The following MTDH variants were observed in gnomAD, a reference collection of about 807,000 sequenced individuals.
The protein encoded by MTDH is protein LYRIC.
Under a neutral mutation model 72.7 loss-of-function variants are expected in MTDH, and 34 were observed. The observed-to-expected ratio is 0.47, with a 90% CI of 0.36 to 0.62. MTDH has a LOEUF of 0.62. Ranked by LOEUF, MTDH falls within the 20% of genes least tolerant of loss-of-function variation. The pLI is 0.00. For synonymous variants in MTDH, 266 were observed against 268.9 expected, an observed-to-expected ratio of 0.99 and a Z score of 0.10; for missense variants, 677 against 699.4, an observed-to-expected ratio of 0.97 and a Z score of 0.36.
intron 1 of MTDH, among the ~76,000 whole-genome samples, chr8:97,658,012 A>G (rs1203740974): frequency 2.6e-5 from 4 of 152,196 alleles, no homozygotes; most frequent in African/African-American, 4.8e-5. Context: ...GAAAGGACAC[A>G]TTGGCTCTGC....
chr8:97,706,434 T>C (rs745538424), intron 7 of MTDH, 192 bp from the exon 8 acceptor site: 12 of 367,080 alleles, frequency 3.3e-5, no homozygotes, highest in Non-Finnish European at 5.7e-5. Flanking sequence ...TTTAACCATA[T>C]GATATGCTTA....
chr8:97,694,471 A>G (rs2131018302), intron 6 of MTDH, among the ~76,000 whole-genome samples: 1 of 152,310 alleles, frequency 6.6e-6, no homozygotes. Context: ...TACTGGGATT[A>G]CACGTGTGAG....
At chr8:97,723,261 G>A (rs1489060953) in intron 11 of MTDH, among the ~76,000 whole-genome samples, 2 of 151,374 alleles carry the variant, frequency 1.3e-5, no homozygotes, top group Non-Finnish European at 2.9e-5. Flanking sequence ...AGCCAGGTGT[G>A]GCGGCGGGTG....
chr8:97,695,619 G>A (rs1813805309), intron 6 of MTDH, among the ~76,000 whole-genome samples: 2 of 152,156 alleles, frequency 1.3e-5, no homozygotes, highest in Non-Finnish European at 2.9e-5. Context: ...CTCGTCTCAT[G>A]GAGGTTTACG....
intron 2 of MTDH, among the ~76,000 whole-genome samples, chr8:97,672,605 C>T (rs1235120755): frequency 1.3e-5 from 2 of 152,142 alleles, no homozygotes; most frequent in African/African-American, 4.8e-5. Context: ...GAGACCAGAA[C>T]CAGGATTTCT....
chr8:97,696,541 A>G (rs1332434539), intron 6 of MTDH, among the ~76,000 whole-genome samples: 1 of 152,192 alleles, frequency 6.6e-6, no homozygotes, highest in Admixed American at 6.5e-5. Context: ...GCACACAGAC[A>G]AATACACATG....
chr8:97,664,798 G>A (rs971571558), intron 2 of MTDH, among the ~76,000 whole-genome samples: 4 of 131,118 alleles, frequency 3.1e-5, no homozygotes, highest in Non-Finnish European at 6.5e-5. Context: ...TTTCACTCTT[G>A]TTGCCCGGGC....
At chr8:97,670,952 GTTTTT>G (rs1160758851) in intron 2 of MTDH, among the ~76,000 whole-genome samples, 1 of 77,976 alleles carries the variant, frequency 1.3e-5, no homozygotes, top group African/African-American at 5.0e-5. Flanking sequence ...TGTTGTTGTT[GTTTTT>G]TTTTTTTTTT....
Position 97,719,060 on chromosome 8 carries a change from A to G in MTDH, c.1392A>G (p.Glu464=). The G allele has an allele frequency of 6.2e-7, 1 of 1,603,468 alleles. No individual in the cohort carries two copies. The highest frequency in any genetic ancestry group is 8.5e-7 in the Non-Finnish European group (1 of 1,175,698). ...EDNSTAQDTE[E]LEKEIREDLP... is the part of the protein sequence containing the mutation. ...ATTTTTCTCTATAGGACACAGAAGAATTAGAAAAAGAGATTAGAGAAGACC... is the reference window on the plus strand; with the variant it reads ...ATTTTTCTCTATAGGACACAGAAGAGTTAGAAAAAGAGATTAGAGAAGACC... Residue 464 remains glutamate (E), a synonymous_variant, in exon 10 of 12, where the codon GAA becomes GAG. Coordinates refer to ENST00000336273, the MANE Select transcript of MTDH (RefSeq NM_178812.4).
At chr8:97,670,826 G>A (rs1174287053) in intron 2 of MTDH, among the ~76,000 whole-genome samples, 2 of 151,980 alleles carry the variant, frequency 1.3e-5, no homozygotes, top group Non-Finnish European at 2.9e-5. Flanking sequence ...GTGCAATCTC[G>A]GGTCACTGCA....
rs758677712 is a variant in MTDH, at chr8:97,706,598, A to G, written c.1148-28A>G. ...TTTTAATTTATGGCAAAAATGATAG[A>G]CGCCTAATTCACACTGTTAAATTTT... On this transcript the variant is annotated intron_variant, in intron 7 of 11. Coordinates refer to ENST00000336273, the MANE Select transcript of MTDH (RefSeq NM_178812.4). The G allele has an allele frequency of 2.0e-5, 29 of 1,476,348 alleles. 1 individual carries two copies. The Admixed American group carries it at 6.9e-4, about 35-fold the overall frequency. 91.5% of individuals were successfully genotyped at this position (1,476,348 alleles called of 1,614,324 possible). A position where few individuals can be genotyped will look rare whatever the true frequency, so the allele number is the denominator to read the frequency against.
At chr8:97,714,889 G>C (rs1462626088) in intron 9 of MTDH, among the ~76,000 whole-genome samples, 1 of 151,174 alleles carries the variant, frequency 6.6e-6, no homozygotes, top group African/African-American at 2.4e-5. Context: ...GCAGTAGTGC[G>C]ATCTCAGCTC....
chr8:97,675,733 G>A (rs766380361), intron 2 of MTDH, among the ~76,000 whole-genome samples: 10 of 151,654 alleles, frequency 6.6e-5, no homozygotes, highest in Non-Finnish European at 1.2e-4. Context: ...TTAGCCTGGT[G>A]TGGTAGCGTA....
chr8:97,669,384 G>A (rs1011099418), intron 2 of MTDH, among the ~76,000 whole-genome samples: 1 of 151,742 alleles, frequency 6.6e-6, no homozygotes, highest in African/African-American at 2.4e-5. Context: ...CTGACCTCAA[G>A]CGATCCACCT....
At chr8:97,670,152 T>G (rs561246028) in intron 2 of MTDH, among the ~76,000 whole-genome samples, 1 of 151,624 alleles carries the variant, frequency 6.6e-6, no homozygotes, top group Admixed American at 6.6e-5. Flanking sequence ...TCGTCTCTAT[T>G]AAAAATACAA....
At chr8:97,688,297 T>TC (rs1813446906) in intron 4 of MTDH, among the ~76,000 whole-genome samples, 1 of 152,278 alleles carries the variant, frequency 6.6e-6, no homozygotes, top group South Asian at 2.1e-4. Flanking sequence ...CCTTCCCACC[T>TC]CCCCACACCT....
intron 5 of MTDH, among the ~76,000 whole-genome samples, chr8:97,690,159 T>G (rs1046791251): frequency 3.3e-5 from 5 of 152,076 alleles, no homozygotes; most frequent in Non-Finnish European, 5.9e-5. Flanking sequence ...GCCTGGCTAA[T>G]TTTGTGTTTT....
chr8:97,708,890 G>T (rs996288959), intron 8 of MTDH, among the ~76,000 whole-genome samples: 2 of 151,694 alleles, frequency 1.3e-5, no homozygotes, highest in African/African-American at 2.4e-5. Context: ...GTGAGCCACT[G>T]CCCCCAGCCA....
chr8:97,649,018 T>A (rs1811666857), intron 1 of MTDH, among the ~76,000 whole-genome samples: 1 of 152,226 alleles, frequency 6.6e-6, no homozygotes, highest in Non-Finnish European at 1.5e-5. Context: ...ATTATGATAT[T>A]GTATTTTTAC....
Sources: allele counts gnomAD v4.1 joint callset (sites outside exome capture counted in the v4.1 genomes callset), GRCh38; gene constraint gnomAD v4.1.1; transcripts MANE v1.5; gene names NCBI Gene and HGNC (gene_info 2026-07-23, HGNC 2026-07-21).